The following FBXL7 variants were observed in gnomAD, a reference collection of about 807,000 sequenced individuals.
FBXL7 encodes F-box/LRR-repeat protein 7.
A neutral mutation model predicts 38.3 loss-of-function variants in FBXL7; 12 were observed. The observed-to-expected ratio is 0.31, with a 90% CI of 0.20 to 0.51. The LOEUF is 0.51. Ranked by LOEUF, FBXL7 falls within the 20% of genes least tolerant of loss-of-function variation. FBXL7 has a pLI of 0.98. For missense variants in FBXL7, 567 were observed against 676.4 expected (o/e 0.84, Z 1.79); for synonymous variants, 297 against 300.9 (o/e 0.99, Z 0.13).
At chr5:15,617,631 G>T (rs1353988294) in intron 2 of FBXL7, among the ~76,000 whole-genome samples, 1 of 152,076 alleles carries the variant, frequency 6.6e-6, no homozygotes, top group Admixed American at 6.5e-5. Flanking sequence ...TAGAAATGGG[G>T]TTTTACCATG....
At chr5:15,729,892 G>T (rs1331597766) in intron 2 of FBXL7, among the ~76,000 whole-genome samples, 1 of 152,184 alleles carries the variant, frequency 6.6e-6, no homozygotes, top group Non-Finnish European at 1.5e-5. Context: ...AAGAAGTGAA[G>T]TAAGTCAATC....
chr5:15,880,724 T>TATATATATAC lies in FBXL7; in HGVS notation c.128-47157_128-47156insCATATATATA, dbSNP rs1174938308. 4.2e-5 allele frequency among the ~76,000 whole-genome samples: 6 copies of TATATATATAC among 141,200 alleles called. No individual in the cohort carries two copies. The Admixed American group carries it at 4.3e-4, about 10-fold the overall frequency. 92.6% of individuals were successfully genotyped at this position (141,200 alleles called of 152,430 possible). A position where few individuals can be genotyped will look rare whatever the true frequency, so the allele number is the denominator to read the frequency against. On this transcript the variant is annotated intron_variant, in intron 2 of 3. Coordinates refer to ENST00000504595, the MANE Select transcript of FBXL7 (RefSeq NM_012304.5). The stretch of plus-strand genomic sequence containing the variant: ...TATATATAATATATATACTATATTA[T>TATATATATAC]ATATATATATATATAAAGTAATATA...
chr5:15,609,847 C>T (rs1464704050), intron 1 of FBXL7, among the ~76,000 whole-genome samples: 1 of 152,202 alleles, frequency 6.6e-6, no homozygotes, highest in Non-Finnish European at 1.5e-5. Flanking sequence ...GACAGCAATT[C>T]TACAGCCTCT....
At chr5:15,622,282 ATTTAT>A (rs1740676514) in intron 2 of FBXL7, among the ~76,000 whole-genome samples, 3 of 150,706 alleles carry the variant, frequency 2.0e-5, no homozygotes, top group Admixed American at 6.6e-5. Context: ...ATTTTTATTT[ATTTAT>A]TTATATATTT....
intron 2 of FBXL7, among the ~76,000 whole-genome samples, chr5:15,616,854 CA>C (rs1740470277): frequency 6.6e-6 from 1 of 152,148 alleles, no homozygotes; most frequent in South Asian, 2.1e-4. Context: ...GATTAAAGTC[CA>C]GTTTAAACAT....
Position 15,703,006 on chromosome 5 carries a change from T to A in FBXL7, c.127+86934T>A, listed in dbSNP as rs1488617094. 2.6e-5 allele frequency among the ~76,000 whole-genome samples: 4 copies of A among 152,190 alleles called. No individual in the cohort carries two copies. The East Asian group carries it at 7.7e-4, about 29-fold the overall frequency. ...AGCCAGGAGAAGGAATTTCACAAGA[T>A]AACGTCATCAGTTAAGGCAGTAACA... On this transcript the variant is annotated intron_variant, in intron 2 of 3. Transcript: ENST00000504595.
intron 2 of FBXL7, among the ~76,000 whole-genome samples, chr5:15,833,753 A>C (rs1213883183): frequency 6.6e-6 from 1 of 152,222 alleles, no homozygotes; most frequent in Non-Finnish European, 1.5e-5. Flanking sequence ...TTGTCTTTCT[A>C]TCCAGGTTGG....
intron 2 of FBXL7, among the ~76,000 whole-genome samples, chr5:15,744,937 G>T (rs777023471): frequency 6.6e-6 from 1 of 151,942 alleles, no homozygotes; most frequent in Non-Finnish European, 1.5e-5. Flanking sequence ...TCACTATCAC[G>T]AGAACAACAT....
At chr5:15,541,562 T>C (rs1307520198) in intron 1 of FBXL7, among the ~76,000 whole-genome samples, 1 of 141,064 alleles carries the variant, frequency 7.1e-6, no homozygotes, top group African/African-American at 2.6e-5. Context: ...TTTTTTTTTT[T>C]GAGACAGAAT....
intron 1 of FBXL7, among the ~76,000 whole-genome samples, chr5:15,598,491 A>G (rs192311235): frequency 6.6e-6 from 1 of 152,218 alleles, no homozygotes; most frequent in Non-Finnish European, 1.5e-5. Flanking sequence ...CACCAGGTGC[A>G]GCAGACAGAC....
At chr5:15,870,436 G>A (rs540798249) in intron 2 of FBXL7, among the ~76,000 whole-genome samples, 16 of 152,106 alleles carry the variant, frequency 1.1e-4, no homozygotes, top group Admixed American at 2.0e-4. Flanking sequence ...ACAAATGCAC[G>A]GATCAGAAAA....
In FBXL7 at chr5:15,928,899, G is replaced by A. The variant is rs200033313; in HGVS notation, c.739+398G>A. 6.6e-6 allele frequency among the ~76,000 whole-genome samples: 1 copy of A among 152,234 alleles called. No homozygotes were observed. The highest frequency in any genetic ancestry group is 1.9e-4 in the East Asian group (1 of 5,164). On this transcript the variant is annotated intron_variant, in intron 3 of 3. Coordinates refer to ENST00000504595, the MANE Select transcript of FBXL7 (RefSeq NM_012304.5). This position sits in a 1 kb window ranked among gnomAD's most constrained non-coding sequence, Gnocchi z 4.0. ...TGGCACATTTTGCCTGGGAGTTGAG[G>A]TTAGTACGACTTTTAAATGTCTTTA... is the stretch of plus-strand genomic sequence containing the variant.
intron 2 of FBXL7, among the ~76,000 whole-genome samples, chr5:15,620,230 C>CTTTTTTTT (rs796293132): frequency 4.0e-4 from 54 of 134,136 alleles, no homozygotes; most frequent in Non-Finnish European, 5.0e-4. Context: ...TTCTTTTTTT[C>CTTTTTTTT]TTTTTTTTTT....
chr5:15,620,191 C>G (rs554519997), intron 2 of FBXL7, among the ~76,000 whole-genome samples: 1 of 151,552 alleles, frequency 6.6e-6, no homozygotes, highest in African/African-American at 2.4e-5. Context: ...GCATGATCTT[C>G]AGACTTATAT....
At chr5:15,745,706 A>G (rs1045899735) in intron 2 of FBXL7, among the ~76,000 whole-genome samples, 8 of 152,172 alleles carry the variant, frequency 5.3e-5, no homozygotes, top group African/African-American at 1.9e-4. Context: ...ACAAAACAAG[A>G]GGAGGACCCT....
chr5:15,644,335 C>T (rs1272432927), intron 2 of FBXL7, among the ~76,000 whole-genome samples: 2 of 146,374 alleles, frequency 1.4e-5, no homozygotes, highest in Non-Finnish European at 3.0e-5. Flanking sequence ...AAAGGCCAGG[C>T]GTGGTAGTGC....
In FBXL7 at chr5:15,855,235, A is replaced by G. The variant is rs141555442; in HGVS notation, c.128-72655A>G. ...GTGCATTTTTATTTCAAAAGACATA[A>G]ATTTTGTTAATGTGTAAAATATAAA... On this transcript the variant is annotated intron_variant, in intron 2 of 3. Coordinates refer to ENST00000504595, the MANE Select transcript of FBXL7 (RefSeq NM_012304.5). 1.1e-4 allele frequency among the ~76,000 whole-genome samples: 16 copies of G among 152,288 alleles called. No homozygotes were observed. In the East Asian group the frequency reaches 3.1e-3, roughly 29 times the overall value.
chr5:15,673,432 A>G (rs1742551561), intron 2 of FBXL7, among the ~76,000 whole-genome samples: 1 of 152,200 alleles, frequency 6.6e-6, no homozygotes, highest in South Asian at 2.1e-4. Context: ...AATTAAGGTC[A>G]TCTAGTAGTA....
chr5:15,790,052 T>C (rs1737234311), intron 2 of FBXL7, among the ~76,000 whole-genome samples: 1 of 152,164 alleles, frequency 6.6e-6, no homozygotes, highest in African/African-American at 2.4e-5. Context: ...CCAAAATCAT[T>C]TCCACACTGA....
Sources: allele counts gnomAD v4.1 joint callset (sites outside exome capture counted in the v4.1 genomes callset), GRCh38; gene constraint gnomAD v4.1.1; non-coding constraint Gnocchi (gnomAD v3.1); transcripts MANE v1.5; gene names NCBI Gene and HGNC (gene_info 2026-07-23, HGNC 2026-07-21).